Variants in CMKLR1 observed in about 807,000 individuals in gnomAD.
CMKLR1 encodes the protein chemerin chemokine-like receptor 1.
In CMKLR1, 6 loss-of-function variants were observed where a neutral mutation model predicts 8.2. The ratio of observed to expected loss-of-function variants is 0.73; its 90% CI spans 0.40 to 1.44. The LOEUF is 1.44. Ranked by LOEUF, CMKLR1 falls within the 40% of genes most tolerant of loss-of-function variation. The pLI, the probability that CMKLR1 is intolerant of heterozygous loss-of-function variation, is 0.02. For synonymous variants in CMKLR1, 178 were observed against 181.2 expected, an observed-to-expected ratio of 0.98 and a Z score of 0.14; for missense variants, 429 against 478.0, an observed-to-expected ratio of 0.90 and a Z score of 0.96.
At chr12:108,307,511 G>A (rs537027364) in intron 2 of CMKLR1, among the ~76,000 whole-genome samples, 109 of 152,338 alleles carry the variant, frequency 7.2e-4, no homozygotes, top group Non-Finnish European at 1.1e-3. Context: ...ATCTGCCAGC[G>A]GGTGGGGAGA....
At chr12:108,296,578 C>A (rs1180882657) in intron 2 of CMKLR1, among the ~76,000 whole-genome samples, 1 of 152,168 alleles carries the variant, frequency 6.6e-6, no homozygotes, top group Non-Finnish European at 1.5e-5. Flanking sequence ...GTAATCCCAG[C>A]ACTTCAGGTG....
intron 2 of CMKLR1, among the ~76,000 whole-genome samples, chr12:108,313,769 T>C (rs1411326996): frequency 1.3e-5 from 2 of 152,156 alleles, no homozygotes; most frequent in Non-Finnish European, 2.9e-5. Flanking sequence ...TATCAGTGAG[T>C]TTGAAACCCC....
chr12:108,298,508 C>T (rs1891190377), intron 2 of CMKLR1, among the ~76,000 whole-genome samples: 1 of 152,222 alleles, frequency 6.6e-6, no homozygotes, highest in South Asian at 2.1e-4. Context: ...TGTCTGTTCA[C>T]ACCTTTCCTG....
rs902994214 is a variant in CMKLR1 at position 108,295,449 on chromosome 12, C to T, written c.-73-1785G>A. Among the ~76,000 whole-genome samples the T allele has an allele frequency of 1.4e-4, 22 of 152,234 alleles. 1 individual carries two copies. Among genetic ancestry groups the T allele is most frequent in the African/African-American group, 4.6e-4 (19 of 41,468 alleles). Reference sequence around the variant, plus strand: ...TTGACATTCCCTGTGCCAAACGGTGCAGGCACCAGGGATGAGGACATGGCC... The same window carrying T: ...TTGACATTCCCTGTGCCAAACGGTGTAGGCACCAGGGATGAGGACATGGCC... On this transcript the variant is annotated intron_variant, in intron 2 of 3. Coordinates refer to ENST00000550402, the MANE Select transcript of CMKLR1 (RefSeq NM_001142343.2).
intron 2 of CMKLR1, among the ~76,000 whole-genome samples, chr12:108,326,378 C>T (rs553386619): frequency 6.6e-6 from 1 of 152,346 alleles, no homozygotes; most frequent in Admixed American, 6.5e-5. Flanking sequence ...GCTCCCAAAA[C>T]TTCCACTCCA....
At chr12:108,303,510 C>G (rs192567796) in intron 2 of CMKLR1, among the ~76,000 whole-genome samples, 7 of 152,312 alleles carry the variant, frequency 4.6e-5, no homozygotes, top group African/African-American at 1.7e-4. Context: ...ACTAACGTGC[C>G]CAAGGTCACA....
At chr12:108,312,758 C>T (rs1236338270) in intron 2 of CMKLR1, among the ~76,000 whole-genome samples, 2 of 152,160 alleles carry the variant, frequency 1.3e-5, no homozygotes, top group Non-Finnish European at 2.9e-5. Flanking sequence ...CTGCTGCACA[C>T]GGGGCCCTGT....
At chr12:108,313,230 C>A (rs1409375988) in intron 2 of CMKLR1, among the ~76,000 whole-genome samples, 1 of 152,176 alleles carries the variant, frequency 6.6e-6, no homozygotes, top group South Asian at 2.1e-4. Context: ...AAGCCTTGAC[C>A]TAGGAGGGGT....
At chr12:108,334,733 C>A (rs1166902170) in intron 1 of CMKLR1, among the ~76,000 whole-genome samples, 3 of 152,196 alleles carry the variant, frequency 2.0e-5, no homozygotes, top group Admixed American at 6.5e-5. Context: ...AAATCCCATT[C>A]TTTTGCTATG....
chr12:108,310,137 G>T (rs567896840), intron 2 of CMKLR1, among the ~76,000 whole-genome samples: 2 of 151,538 alleles, frequency 1.3e-5, no homozygotes, highest in East Asian at 3.9e-4. Context: ...CAGAGGAACA[G>T]AGGCTTGAAA....
At chr12:108,301,261 G>C (rs150029788) in intron 2 of CMKLR1, among the ~76,000 whole-genome samples, 6 of 151,978 alleles carry the variant, frequency 3.9e-5, no homozygotes, top group Non-Finnish European at 8.8e-5. Context: ...ATTTTTAGTA[G>C]AGATGGAGTT....
In CMKLR1 at chr12:108,291,768, C is replaced by G; in HGVS notation, c.*73G>C. 6.8e-7 allele frequency: 1 copy of G among 1,468,014 alleles called. No individual in the cohort carries two copies. Among genetic ancestry groups the G allele is most frequent in the South Asian group, 1.3e-5 (1 of 74,996 alleles). The allele number at this position is 1,468,014 out of a possible 1,614,324, so 90.9% of individuals were successfully genotyped here. A position where few individuals can be genotyped will look rare whatever the true frequency, so the allele number is the denominator to read the frequency against. On this transcript the variant is annotated 3_prime_UTR_variant, in exon 4 of 4. Coordinates refer to ENST00000550402, the MANE Select transcript of CMKLR1 (RefSeq NM_001142343.2). ...TGGTGGATGCTAAAGAGGTTCTTGC[C>G]TTGATCTTCAGAAGACATATCCTTG...
intron 2 of CMKLR1, among the ~76,000 whole-genome samples, chr12:108,302,733 T>C (rs956103682): frequency 2.0e-5 from 3 of 152,124 alleles, no homozygotes; most frequent in Admixed American, 6.5e-5. Context: ...ATTGAGAACA[T>C]GTCTGCAAAG....
intron 1 of CMKLR1, among the ~76,000 whole-genome samples, chr12:108,334,113 C>A (rs1462002751): frequency 6.6e-6 from 1 of 152,274 alleles, no homozygotes; most frequent in Non-Finnish European, 1.5e-5. Context: ...CAGGGCCTCA[C>A]TTTCCTCATC....
rs1892206845 is a variant in CMKLR1, at chr12:108,335,812, G to A, written c.-287+3215C>T. On this transcript the variant is annotated intron_variant, in intron 1 of 3. Transcript: ENST00000550402. ...GAGTCTTCCACCTCTGTTTCAACAA[G>A]AATAACACCACCTTTATCTGTTTTC... Among the ~76,000 whole-genome samples, 3 of 152,184 alleles carry A rather than the reference G, an allele frequency of 2.0e-5. 1 individual carries two copies. Among genetic ancestry groups the A allele is most frequent in the African/African-American group, 7.2e-5 (3 of 41,442 alleles).
intron 2 of CMKLR1, among the ~76,000 whole-genome samples, chr12:108,303,861 G>A (rs889759797): frequency 3.3e-5 from 5 of 152,190 alleles, no homozygotes; most frequent in African/African-American, 7.2e-5. Flanking sequence ...CTTTGGAGGC[G>A]GGGATCATTC....
intron 1 of CMKLR1, among the ~76,000 whole-genome samples, chr12:108,336,524 C>T (rs888547040): frequency 2.7e-5 from 4 of 150,168 alleles, no homozygotes; most frequent in African/African-American, 4.9e-5. Flanking sequence ...CCAGCCTGGG[C>T]GACAGAGCGA....
intron 2 of CMKLR1, among the ~76,000 whole-genome samples, chr12:108,327,620 G>A (rs1892008696): frequency 6.6e-6 from 1 of 152,248 alleles, no homozygotes. Flanking sequence ...TGTCTGTGAA[G>A]CCAGCAGGTA....
intron 2 of CMKLR1, among the ~76,000 whole-genome samples, chr12:108,313,512 T>A (rs1423386934): frequency 2.0e-5 from 3 of 152,118 alleles, no homozygotes; most frequent in Non-Finnish European, 4.4e-5. Flanking sequence ...AATCACAGAC[T>A]CCTCGTCTGT....
Sources: gnomAD v4.1 joint callset for allele counts (sites outside exome capture counted in the v4.1 genomes callset) on GRCh38, gnomAD v4.1.1 for gene constraint, MANE v1.5 for transcripts, NCBI Gene and HGNC (gene_info 2026-07-23, HGNC 2026-07-21) for gene names.